SANBR: variants seen among roughly 807,000 people sequenced by gnomAD.
SANBR encodes SANT and BTB domain regulator of class switch recombination.
A neutral mutation model predicts 101.8 loss-of-function variants in SANBR; 77 were observed. The observed-to-expected ratio is 0.76, with a 90% CI of 0.63 to 0.91. SANBR has a LOEUF of 0.91. SANBR is among the 40% of genes least tolerant of loss of function. SANBR has a pLI of 0.00. For missense variants in SANBR, 875 were observed against 853.0 expected, an observed-to-expected ratio of 1.03 and a Z score of -0.32; for synonymous variants, 279 against 274.7, an observed-to-expected ratio of 1.02 and a Z score of -0.15.
At chr2:61,094,146 G>A in intron 11 of SANBR, 1 of 841,588 alleles carries the variant, frequency 1.2e-6, no homozygotes, top group Non-Finnish European at 1.4e-6. Flanking sequence ...GTTTGTTGAA[G>A]TATTATATAC....
chr2:61,093,567 T>A (rs756042794), intron 11 of SANBR, among the ~76,000 whole-genome samples: 3 of 151,820 alleles, frequency 2.0e-5, no homozygotes, highest in Non-Finnish European at 2.9e-5. Flanking sequence ...TGCACTCCAG[T>A]CTGGGAAAGG....
chr2:61,081,420 A>C lies in SANBR; in HGVS notation c.671-32A>C, dbSNP rs537824606. The C allele has an allele frequency of 2.6e-6, 4 of 1,565,820 alleles. No homozygotes were observed. The African/African-American group carries it at 5.5e-5, about 22-fold the overall frequency. On this transcript the variant is annotated intron_variant, in intron 6 of 21. Transcript: ENST00000402291. ...TTCAGAGGAGATTGGGGTACCCATC[A>C]AAAGGGTAATCTAATTTTTTTTTTT...
chr2:61,103,212 G>A (rs1026963952), intron 12 of SANBR, among the ~76,000 whole-genome samples: 1 of 149,754 alleles, frequency 6.7e-6, no homozygotes, highest in African/African-American at 2.5e-5. Flanking sequence ...CATGGCTAAA[G>A]GCAATCTCGA....
At chr2:61,084,502 T>A (rs1421592883) in intron 8 of SANBR, among the ~76,000 whole-genome samples, 1 of 152,114 alleles carries the variant, frequency 6.6e-6, no homozygotes, top group Non-Finnish European at 1.5e-5. Flanking sequence ...GCACTACTAT[T>A]ATCCCTCTGA....
Position 61,083,224 on chromosome 2 carries a change from G to C in SANBR, c.800G>C (p.Cys267Ser), listed in dbSNP as rs1198115197. The C allele has an allele frequency of 1.2e-6, 2 of 1,610,512 alleles. No homozygotes were observed. The part of the protein sequence containing the change: ...AIVATPCNMN[C>S]INANLLTRIA... ...GTAGCTACCCCATGCAACATGAACT[G>C]TATTAATGCAAATCTTCTCACACGT... The change falls in exon 8 of 22, where the codon TGT becomes TCT. Residue 267 changes from cysteine to serine, a missense_variant. Coordinates refer to ENST00000402291, the MANE Select transcript of SANBR (RefSeq NM_001129993.3).
intron 12 of SANBR, 101 bp from the exon 13 acceptor site, chr2:61,103,752 G>A (rs1419349143): frequency 4.8e-6 from 5 of 1,043,622 alleles, no homozygotes; most frequent in Non-Finnish European, 7.1e-6. Context: ...TATAAAATAT[G>A]TATATGACAA....
intron 21 of SANBR, 69 bp from the exon 22 acceptor site, chr2:61,122,057 C>G: frequency 3.3e-6 from 5 of 1,532,096 alleles, no homozygotes; most frequent in Non-Finnish European, 4.4e-6. Flanking sequence ...CCAACATAAT[C>G]TAAAGGAGCA....
intron 11 of SANBR, 132 bp downstream of exon 11, chr2:61,092,719 A>G (rs950527189): frequency 3.5e-5 from 25 of 712,394 alleles, no homozygotes; most frequent in African/African-American, 5.5e-5. Context: ...AACTAGTGGC[A>G]GCTGGGCATG....
At chr2:61,079,385 G>C (rs1218493749) in intron 6 of SANBR, among the ~76,000 whole-genome samples, 1 of 152,180 alleles carries the variant, frequency 6.6e-6, no homozygotes, top group African/African-American at 2.4e-5. Flanking sequence ...GTCTTTCTAT[G>C]CACTAGAATT....
intron 20 of SANBR, among the ~76,000 whole-genome samples, chr2:61,133,577 A>AGG (rs1684754173): frequency 1.3e-5 from 2 of 152,200 alleles, no homozygotes; most frequent in African/African-American, 2.4e-5. Context: ...ACATACCGAG[A>AGG]CCCTATCTCT....
At chr2:61,137,928 CTGTT>C (rs1437327287) in exon 22 of SANBR, 4 of 152,196 alleles carry the variant, frequency 2.6e-5, no homozygotes, top group African/African-American at 9.6e-5. Context: ...TTTTTAGACT[CTGTT>C]TGAGAATTAT....
intron 10 of SANBR, 88 bp downstream of exon 10, chr2:61,088,556 G>T (rs1397169782): frequency 1.1e-6 from 1 of 874,498 alleles, no homozygotes; most frequent in Non-Finnish European, 1.7e-6. Flanking sequence ...GTCTTACTCT[G>T]TCACCCAGGC....
At chr2:61,117,322 C>A (rs1287648453) in intron 17 of SANBR, 35 bp from the exon 18 acceptor site, 1 of 1,597,036 alleles carries the variant, frequency 6.3e-7, no homozygotes. Context: ...TAAACATGTT[C>A]TAATTGGGCC....
intron 6 of SANBR, among the ~76,000 whole-genome samples, chr2:61,080,058 G>A (rs1386260129): frequency 2.0e-5 from 3 of 150,652 alleles, no homozygotes; most frequent in Non-Finnish European, 4.4e-5. Context: ...TAAGCCAGGC[G>A]TGGTGGCAGG....
chr2:61,080,061 G>C (rs1428064290), intron 6 of SANBR, among the ~76,000 whole-genome samples: 2 of 151,920 alleles, frequency 1.3e-5, no homozygotes, highest in Non-Finnish European at 2.9e-5. Context: ...GCCAGGCGTG[G>C]TGGCAGGTGC....
intron 5 of SANBR, 46 bp downstream of exon 5, chr2:61,073,597 A>G: frequency 9.4e-7 from 1 of 1,065,484 alleles, no homozygotes; most frequent in Non-Finnish European, 1.4e-6. Context: ...ATTAATATCA[A>G]CTTCATAAAA....
At position 61,103,950 on chromosome 2, in the gene SANBR, A is replaced by C. The variant is rs200004095; in HGVS notation, c.1463A>C (p.His488Pro). 30 of 1,614,216 alleles carry C rather than the reference A, an allele frequency of 1.9e-5. No individual in the cohort carries two copies. The East Asian group carries it at 6.5e-4, about 35-fold the overall frequency. ...ACTGCTAGAATGTTGGACGATTTGC[A>C]CAAGTACAGAGATGTCATTGTTGTG... is the stretch of plus-strand genomic sequence containing the variant. ...CPTARMLDDLHKYRDVIVVPF... is the reference protein window; with the variant it reads ...CPTARMLDDLPKYRDVIVVPF... The change falls in exon 13 of 22, where the codon CAC becomes CCC. Residue 488 changes from histidine to proline, a missense_variant. Coordinates refer to ENST00000402291, the MANE Select transcript of SANBR (RefSeq NM_001129993.3).
At chr2:61,081,356 A>G in intron 6 of SANBR, 96 bp from the exon 7 acceptor site, 1 of 1,182,088 alleles carries the variant, frequency 8.5e-7, no homozygotes, top group South Asian at 1.5e-5. Flanking sequence ...AATTATTCTT[A>G]TTCCAGTAAT....
chr2:61,109,642 A>AT lies in SANBR; in HGVS notation c.1744+357dup, dbSNP rs1182888929. On this transcript the variant is annotated intron_variant, in intron 16 of 21. Transcript: ENST00000402291. Reference sequence around the variant, plus strand: ...ATTAAATAACATTCATCAATGTATGATTTTTTTTTTTAGTGGAAAGCATGT... The same window carrying AT: ...ATTAAATAACATTCATCAATGTATGATTTTTTTTTTTTAGTGGAAAGCATGT... Among the ~76,000 whole-genome samples the AT allele has an allele frequency of 1.3e-3, 150 of 116,534 alleles. 1 individual carries two copies. The highest frequency in any genetic ancestry group is 0.011 in the Middle Eastern group (2 of 178). 76.5% of individuals were successfully genotyped at this position (116,534 alleles called of 152,430 possible). A position where few individuals can be genotyped will look rare whatever the true frequency, so the allele number is the denominator to read the frequency against.
Sources: allele counts gnomAD v4.1 joint callset (sites outside exome capture counted in the v4.1 genomes callset), GRCh38; gene constraint gnomAD v4.1.1; transcripts MANE v1.5; gene names NCBI Gene and HGNC (gene_info 2026-07-23, HGNC 2026-07-21).